Variants in TMPRSS15 observed in about 807,000 individuals in gnomAD.
TMPRSS15 encodes the protein enteropeptidase.
Under a neutral mutation model 125.3 loss-of-function variants are expected in TMPRSS15, and 128 were observed. The ratio of observed to expected loss-of-function variants is 1.02; its 90% CI spans 0.89 to 1.18. The LOEUF is 1.18. Ranked by LOEUF, TMPRSS15 falls within the 50% of genes most tolerant of loss-of-function variation. The pLI is 0.00. For missense variants in TMPRSS15, 1,283 were observed against 1,212.7 expected (o/e 1.06, Z -0.86); for synonymous variants, 446 against 423.2 (o/e 1.05, Z -0.66).
intron 5 of TMPRSS15, 133 bp downstream of exon 5, chr21:18,379,150 C>T (rs2075869395): frequency 5.3e-6 from 2 of 375,638 alleles, no homozygotes; most frequent in Non-Finnish European, 9.6e-6. Context: ...GACTTTTATG[C>T]TCTTGATTTC....
At chr21:18,365,734 T>TC (rs1379991128) in intron 6 of TMPRSS15, among the ~76,000 whole-genome samples, 1 of 130,820 alleles carries the variant, frequency 7.6e-6, no homozygotes, top group Non-Finnish European at 1.6e-5. Flanking sequence ...CTCTTCTTTC[T>TC]CTTTTTTCCT....
At chr21:18,397,775 A>T (rs1646347124) in intron 3 of TMPRSS15, 104 bp downstream of exon 3, 1 of 628,376 alleles carries the variant, frequency 1.6e-6, no homozygotes, top group Non-Finnish European at 2.7e-6. Flanking sequence ...ATGTTGAAAA[A>T]TTTAAATATT....
At chr21:18,439,024 T>A (rs551492996) in intron 1 of TMPRSS15, among the ~76,000 whole-genome samples, 125 of 152,258 alleles carry the variant, frequency 8.2e-4, no homozygotes, top group African/African-American at 2.9e-3. Flanking sequence ...TTTCTTATAG[T>A]TAAAAATGTT....
chr21:18,382,184 T>G (rs1264354444), intron 4 of TMPRSS15, among the ~76,000 whole-genome samples: 1 of 152,120 alleles, frequency 6.6e-6, no homozygotes, highest in Non-Finnish European at 1.5e-5. Flanking sequence ...AAAGTATCTG[T>G]GTTTTGGTCT....
chr21:18,294,797 C>T (rs184517299), intron 19 of TMPRSS15, 145 bp from the exon 20 acceptor site: 28 of 718,802 alleles, frequency 3.9e-5, no homozygotes, highest in Middle Eastern at 3.9e-4. Context: ...GAATTGTAAG[C>T]CGAAGAAGCC....
intron 8 of TMPRSS15, among the ~76,000 whole-genome samples, chr21:18,356,263 T>C (rs1175391062): frequency 3.3e-5 from 5 of 151,816 alleles, no homozygotes; most frequent in African/African-American, 9.7e-5. Flanking sequence ...GAAGACCAAC[T>C]TTCTACAGAA....
intron 10 of TMPRSS15, among the ~76,000 whole-genome samples, chr21:18,348,552 C>A (rs569710774): frequency 1.3e-5 from 2 of 152,008 alleles, no homozygotes; most frequent in African/African-American, 4.8e-5. Context: ...TGATGCATGG[C>A]CTAAATTCAG....
chr21:18,429,600 A>G (rs1190150846), intron 1 of TMPRSS15, among the ~76,000 whole-genome samples: 1 of 151,984 alleles, frequency 6.6e-6, no homozygotes, highest in Admixed American at 6.6e-5. Context: ...TGTCTTCATC[A>G]TTTTCTCTTT....
chr21:18,468,157 A>C (rs1978704402), intron 1 of TMPRSS15, among the ~76,000 whole-genome samples: 1 of 152,136 alleles, frequency 6.6e-6, no homozygotes, highest in Admixed American at 6.6e-5. Context: ...TTAGATCCTT[A>C]GAGATTTGGA....
At chr21:18,340,636 T>C (rs1438734308) in intron 13 of TMPRSS15, among the ~76,000 whole-genome samples, 1 of 152,212 alleles carries the variant, frequency 6.6e-6, no homozygotes, top group Non-Finnish European at 1.5e-5. Context: ...TGTCTGTATG[T>C]TCAAAGTCCA....
chr21:18,286,586 A>G (rs1162975157), intron 21 of TMPRSS15, among the ~76,000 whole-genome samples: 1 of 152,212 alleles, frequency 6.6e-6, no homozygotes, highest in African/African-American at 2.4e-5. Flanking sequence ...TCATTAATAA[A>G]TGCAGATGAC....
upstream of TMPRSS15, among the ~76,000 whole-genome samples, chr21:18,408,089 A>G (rs913461830): frequency 2.0e-5 from 3 of 152,192 alleles, no homozygotes; most frequent in Non-Finnish European, 2.9e-5. Context: ...TAGGGCAAAT[A>G]AAAGGGTAAG....
intron 1 of TMPRSS15, among the ~76,000 whole-genome samples, chr21:18,429,474 G>A (rs930759018): frequency 6.6e-6 from 1 of 152,162 alleles, no homozygotes; most frequent in Non-Finnish European, 1.5e-5. Context: ...ATGTGCTGTG[G>A]GAGGGAACCA....
rs776130106 is a variant in TMPRSS15, at chr21:18,281,132, A to C, written c.2576T>G (p.Ile859Arg). ...LTSPQTVPRL[I>R]DEIVINPHYN... is the part of the protein sequence containing the mutation. Reference sequence around the variant, plus strand: ...ATGAGGGTTTATGACAATTTCATCTATTAATCGAGGGACTGTTTGAGGAGA... The same window carrying C: ...ATGAGGGTTTATGACAATTTCATCTCTTAATCGAGGGACTGTTTGAGGAGA... The change falls in exon 22 of 25, where the codon ATA (isoleucine) becomes AGA (arginine). Residue 859 changes from isoleucine (I) to arginine (R), a missense_variant. Transcript: ENST00000284885. The C allele has an allele frequency of 2.4e-5, 38 of 1,613,802 alleles. No homozygotes were observed. The highest frequency in any genetic ancestry group is 1.7e-5 in the Admixed American group (1 of 59,978).
rs557886020 is a variant in TMPRSS15, at chr21:18,380,922, C to T, written c.497-1604G>A. The stretch of plus-strand genomic sequence containing the variant: ...CATGATACGCCACATCTTGGCATAC[C>T]TAGAACCACTTGTTTTACACTAAAA... On this transcript the variant is annotated intron_variant, in intron 4 of 24. Coordinates refer to ENST00000284885, the MANE Select transcript of TMPRSS15 (RefSeq NM_002772.3). Among the ~76,000 whole-genome samples, 127 of 152,166 alleles carry T rather than the reference C, an allele frequency of 8.3e-4. 1 individual carries two copies. Among genetic ancestry groups the T allele is most frequent in the African/African-American group, 2.6e-3 (108 of 41,542 alleles).
rs1408156983 is a variant in TMPRSS15, at chr21:18,396,792, A to AAAAATCTGTCTGTCTGTCTG, written c.344+1086_344+1087insCAGACAGACAGACAGATTTT. On this transcript the variant is annotated intron_variant, in intron 3 of 24. Coordinates refer to ENST00000284885, the MANE Select transcript of TMPRSS15 (RefSeq NM_002772.3). ...CTGTCTCAAAAAAAAAAAAAAAAAAATCTGTCTGTCTGTCTGTCTATCTAT... is the reference window on the plus strand; with the variant it reads ...CTGTCTCAAAAAAAAAAAAAAAAAAAAAAATCTGTCTGTCTGTCTGTCTGTCTGTCTGTCTGTCTATCTAT... Among the ~76,000 whole-genome samples the AAAAATCTGTCTGTCTGTCTG allele has an allele frequency of 8.0e-5, 9 of 112,792 alleles. 1 individual carries two copies. The highest frequency in any genetic ancestry group is 3.6e-4 in the South Asian group (1 of 2,776). 74.0% of individuals were successfully genotyped at this position (112,792 alleles called of 152,430 possible).
chr21:18,484,521 A>C (rs914294580), intron 1 of TMPRSS15, among the ~76,000 whole-genome samples: 11 of 150,098 alleles, frequency 7.3e-5, no homozygotes, highest in Non-Finnish European at 1.5e-5. Flanking sequence ...CCTTCTCTCT[A>C]AAAAAAAAAT....
At chr21:18,272,620 G>A (rs1433022087) in intron 24 of TMPRSS15, among the ~76,000 whole-genome samples, 1 of 152,218 alleles carries the variant, frequency 6.6e-6, no homozygotes, top group South Asian at 2.1e-4. Flanking sequence ...AGCTACTCGG[G>A]AGGCTGAGGC....
rs1332013103 is a variant in TMPRSS15, at chr21:18,413,358, T to TC, written c.11-15030dup. ...TTCCTTCCTTCCTTCCTTCCTTCCT[T>TC]CCTTTCCTTCCTTCCTTCCTTTCTT... On this transcript the variant is annotated intron_variant, in intron 1 of 7. Coordinates refer to the TMPRSS15 transcript ENST00000422787. 3.1e-3 allele frequency among the ~76,000 whole-genome samples: 429 copies of TC among 139,060 alleles called. 7 individuals carry two copies. Among genetic ancestry groups the TC allele is most frequent in the African/African-American group, 0.011 (417 of 37,464 alleles). 91.2% of individuals were successfully genotyped at this position (139,060 alleles called of 152,430 possible).
Sources: gnomAD v4.1 joint callset for allele counts (sites outside exome capture counted in the v4.1 genomes callset) on GRCh38, gnomAD v4.1.1 for gene constraint, MANE v1.5 for transcripts, NCBI Gene and HGNC (gene_info 2026-07-23, HGNC 2026-07-21) for gene names.